Variants in CLVS1 observed in about 807,000 individuals in gnomAD.
The protein encoded by CLVS1 is clavesin-1.
CLVS1 carries 10 observed loss-of-function variants against 33.1 expected under a neutral mutation model. The observed-to-expected ratio is 0.30, with a 90% CI of 0.19 to 0.51. The LOEUF (loss-of-function observed/expected upper bound fraction) is 0.51. CLVS1 is among the 20% of genes least tolerant of loss of function. CLVS1 has a pLI of 0.97. For missense variants in CLVS1, 343 were observed against 433.4 expected, an observed-to-expected ratio of 0.79 and a Z score of 1.85; for synonymous variants, 163 against 166.1, an observed-to-expected ratio of 0.98 and a Z score of 0.14.
chr8:61,166,795 G>A (rs1289858426), intron 2 of CLVS1, among the ~76,000 whole-genome samples: 1 of 151,364 alleles, frequency 6.6e-6, no homozygotes, highest in African/African-American at 2.4e-5. Context: ...GCTAAAACCT[G>A]GTAATAAAAT....
chr8:61,373,592 G>A (rs1420209811), intron 2 of CLVS1, among the ~76,000 whole-genome samples: 4 of 152,144 alleles, frequency 2.6e-5, no homozygotes, highest in Non-Finnish European at 5.9e-5. Flanking sequence ...ATTTGCTTAA[G>A]ATCTTCAAAG....
At chr8:61,110,071 C>T (rs538188631) in intron 1 of CLVS1, among the ~76,000 whole-genome samples, 1 of 152,220 alleles carries the variant, frequency 6.6e-6, no homozygotes, top group Non-Finnish European at 1.5e-5. Context: ...TCCCAGCTGC[C>T]CTGAGCGTTG....
At chr8:61,083,016 C>T (rs1436432358) in intron 1 of CLVS1, among the ~76,000 whole-genome samples, 2 of 151,888 alleles carry the variant, frequency 1.3e-5, no homozygotes, top group African/African-American at 2.4e-5. Flanking sequence ...GAAATAAAGA[C>T]GTTCTCAGAC....
At chr8:61,347,101 A>C (rs1812248418) in intron 2 of CLVS1, among the ~76,000 whole-genome samples, 1 of 152,204 alleles carries the variant, frequency 6.6e-6, no homozygotes. Context: ...TGGCAGCACC[A>C]AGAGGGGACC....
chr8:61,467,380 T>C (rs1402401588), intron 5 of CLVS1, among the ~76,000 whole-genome samples: 2 of 152,214 alleles, frequency 1.3e-5, no homozygotes, highest in African/African-American at 2.4e-5. Context: ...ACAATGGACC[T>C]GATGATCTCA....
intron 1 of CLVS1, among the ~76,000 whole-genome samples, chr8:61,075,647 G>A (rs151245378): frequency 2.5e-4 from 38 of 152,314 alleles, no homozygotes; most frequent in Middle Eastern, 3.4e-3. Context: ...ATGACTGGTT[G>A]GGCACTGATT....
At chr8:61,346,773 G>C (rs1270343333) in intron 2 of CLVS1, among the ~76,000 whole-genome samples, 1 of 152,166 alleles carries the variant, frequency 6.6e-6, no homozygotes, top group East Asian at 1.9e-4. Flanking sequence ...GGCAGAGACA[G>C]TCACACAAAT....
chr8:61,406,747 A>T (rs916521490), intron 3 of CLVS1, among the ~76,000 whole-genome samples: 4 of 151,960 alleles, frequency 2.6e-5, no homozygotes, highest in African/African-American at 9.7e-5. Context: ...AGCTGGGACT[A>T]CAGGTGCACG....
the CLVS1 span, among the ~76,000 whole-genome samples, chr8:61,043,487 G>C: frequency 6.6e-6 from 1 of 152,190 alleles, no homozygotes; most frequent in South Asian, 2.1e-4. Context: ...CCAAGTAATG[G>C]CTCCAATTAC....
At chr8:61,124,494 T>A (rs1805936592) in intron 1 of CLVS1, among the ~76,000 whole-genome samples, 1 of 152,224 alleles carries the variant, frequency 6.6e-6, no homozygotes, top group South Asian at 2.1e-4. Context: ...TTTTTTTATT[T>A]TTAGTAGCTC....
intron 2 of CLVS1, among the ~76,000 whole-genome samples, chr8:61,320,868 G>A (rs543370347): frequency 6.6e-6 from 1 of 152,234 alleles, no homozygotes; most frequent in South Asian, 2.1e-4. Flanking sequence ...ACCATCTCTT[G>A]TGGAAGATAA....
chr8:60,981,226 A>G, the CLVS1 span, among the ~76,000 whole-genome samples: 2 of 152,250 alleles, frequency 1.3e-5, no homozygotes, highest in Non-Finnish European at 2.9e-5. Context: ...GGCAAAGCCT[A>G]TGGATTCCTT....
rs554140841 is a variant in CLVS1, at chr8:61,365,311, T to C, written c.456-11294T>C. On this transcript the variant is annotated intron_variant, in intron 2 of 5. Coordinates refer to ENST00000325897, the MANE Select transcript of CLVS1 (RefSeq NM_173519.3). ...GGGAGGCCGAGGCGGGCGGATCACCTGGGTCAGGAGTTGGAGATCAGCCTG... is the reference window on the plus strand; with the variant it reads ...GGGAGGCCGAGGCGGGCGGATCACCCGGGTCAGGAGTTGGAGATCAGCCTG... Among the ~76,000 whole-genome samples, 11 of 152,206 alleles carry C rather than the reference T, an allele frequency of 7.2e-5. No individual in the cohort carries two copies. In the South Asian group the frequency reaches 2.3e-3, roughly 32 times the overall value.
chr8:61,274,371 T>G (rs1585740905), intron 2 of CLVS1, among the ~76,000 whole-genome samples: 1 of 152,198 alleles, frequency 6.6e-6, no homozygotes, highest in African/African-American at 2.4e-5. Flanking sequence ...CTAGTGGAAA[T>G]TAGCTCTATT....
intron 1 of CLVS1, among the ~76,000 whole-genome samples, chr8:61,070,667 C>T (rs1210921216): frequency 6.6e-6 from 1 of 152,124 alleles, no homozygotes; most frequent in African/African-American, 2.4e-5. Context: ...TTGGGAGACC[C>T]CATCTCTACA....
chr8:61,371,312 G>T (rs181639870), intron 2 of CLVS1, among the ~76,000 whole-genome samples: 2 of 152,092 alleles, frequency 1.3e-5, no homozygotes, highest in Non-Finnish European at 2.9e-5. Context: ...GTCTATTCAC[G>T]TCTTTAGCCC....
rs139468210 is a variant in CLVS1, at chr8:61,337,701, G to A, written c.455+37419G>A. On this transcript the variant is annotated intron_variant, in intron 2 of 5. Coordinates refer to ENST00000325897, the MANE Select transcript of CLVS1 (RefSeq NM_173519.3). Reference sequence around the variant, plus strand: ...AAACAAATGTGTGAGGGTGGCTATCGTGATTTTTATTTTCAAAAGGAGGAA... The same window carrying A: ...AAACAAATGTGTGAGGGTGGCTATCATGATTTTTATTTTCAAAAGGAGGAA... Among the ~76,000 whole-genome samples the A allele has an allele frequency of 7.9e-5, 12 of 152,264 alleles. No homozygotes were observed. The South Asian group carries it at 8.3e-4, about 11-fold the overall frequency.
chr8:61,317,932 G>A (rs1456308306), intron 2 of CLVS1, among the ~76,000 whole-genome samples: 1 of 152,054 alleles, frequency 6.6e-6, no homozygotes, highest in Non-Finnish European at 1.5e-5. Flanking sequence ...AATTTATCAA[G>A]GTGTTTTACC....
chr8:61,089,469 T>C (rs539830556), intron 1 of CLVS1, among the ~76,000 whole-genome samples: 1 of 152,316 alleles, frequency 6.6e-6, no homozygotes, highest in African/African-American at 2.4e-5. Context: ...CTGGAGTCTC[T>C]ACCTGGTTTA....
Sources: gnomAD v4.1 joint callset for allele counts (sites outside exome capture counted in the v4.1 genomes callset) on GRCh38, gnomAD v4.1.1 for gene constraint, MANE v1.5 for transcripts, NCBI Gene and HGNC (gene_info 2026-07-23, HGNC 2026-07-21) for gene names.